ARHGAP26: variants seen among roughly 807,000 people sequenced by gnomAD.
ARHGAP26 encodes Rho GTPase activating protein 26.
A neutral mutation model predicts 104.8 loss-of-function variants in ARHGAP26; 38 were observed. The observed-to-expected ratio is 0.36, with a 90% CI of 0.28 to 0.48. ARHGAP26 has a LOEUF of 0.48. Among genes scored for constraint, ARHGAP26 ranks in the 20% least tolerant of loss-of-function variants. ARHGAP26 has a pLI of 0.99. For missense variants in ARHGAP26, 704 were observed against 947.9 expected (o/e 0.74, Z 3.38); for synonymous variants, 341 against 340.0 (o/e 1.00, Z -0.03).
At chr5:143,121,869 G>T (rs1450770053) in intron 18 of ARHGAP26, among the ~76,000 whole-genome samples, 1 of 152,150 alleles carries the variant, frequency 6.6e-6, no homozygotes, top group Non-Finnish European at 1.5e-5. Flanking sequence ...CTTGTGCAGG[G>T]TTCCCTAAAG....
At chr5:142,911,918 G>T (rs541454830) in intron 9 of ARHGAP26, among the ~76,000 whole-genome samples, 7 of 152,360 alleles carry the variant, frequency 4.6e-5, no homozygotes, top group African/African-American at 1.7e-4. Flanking sequence ...TATAAGGCCT[G>T]TGAATATAAA....
At chr5:143,179,837 C>G (rs766544916) in intron 20 of ARHGAP26, among the ~76,000 whole-genome samples, 3 of 152,106 alleles carry the variant, frequency 2.0e-5, no homozygotes, top group Non-Finnish European at 4.4e-5. Context: ...TCATGTCAGC[C>G]TGCATTTTGT....
chr5:142,925,597 A>G (rs778607684), intron 10 of ARHGAP26, among the ~76,000 whole-genome samples: 1 of 152,188 alleles, frequency 6.6e-6, no homozygotes, highest in East Asian at 1.9e-4. Flanking sequence ...TCCCAGTAGC[A>G]CTTTAGAAAC....
intron 1 of ARHGAP26, among the ~76,000 whole-genome samples, chr5:142,772,317 T>A (rs1023829486): frequency 1.3e-5 from 2 of 152,190 alleles, no homozygotes; most frequent in Non-Finnish European, 2.9e-5. Context: ...ACCTGAAACA[T>A]ATGAACAGAC....
chr5:142,820,804 C>T (rs535429852), intron 1 of ARHGAP26, among the ~76,000 whole-genome samples: 5 of 152,304 alleles, frequency 3.3e-5, no homozygotes, highest in African/African-American at 4.8e-5. Context: ...AGGCACATCA[C>T]GTATGCATTT....
At chr5:142,981,932 T>C (rs1330075850) in intron 11 of ARHGAP26, among the ~76,000 whole-genome samples, 1 of 152,246 alleles carries the variant, frequency 6.6e-6, no homozygotes, top group Non-Finnish European at 1.5e-5. Context: ...TACTCTGTAA[T>C]TTATTGACAT....
chr5:143,159,742 T>C (rs1800955634), intron 20 of ARHGAP26, among the ~76,000 whole-genome samples: 1 of 152,146 alleles, frequency 6.6e-6, no homozygotes, highest in Admixed American at 6.5e-5. Flanking sequence ...TATATAAGAA[T>C]CCAGGGATAT....
At chr5:142,984,279 G>C (rs1211982969) in intron 11 of ARHGAP26, among the ~76,000 whole-genome samples, 1 of 152,214 alleles carries the variant, frequency 6.6e-6, no homozygotes, top group East Asian at 1.9e-4. Context: ...ATATTCCTAA[G>C]AGGAGTGTGT....
intron 17 of ARHGAP26, among the ~76,000 whole-genome samples, chr5:143,079,323 A>C (rs1789480394): frequency 1.3e-5 from 2 of 152,212 alleles, no homozygotes; most frequent in African/African-American, 4.8e-5. Flanking sequence ...AGACTGCTAG[A>C]GCAGAAACCT....
chr5:143,136,863 A>G (rs1797971159), intron 19 of ARHGAP26, among the ~76,000 whole-genome samples: 1 of 152,252 alleles, frequency 6.6e-6, no homozygotes, highest in African/African-American at 2.4e-5. Context: ...ACAGGTAACG[A>G]TTATGCAAAT....
chr5:142,998,133 A>G (rs1776675770), intron 11 of ARHGAP26, among the ~76,000 whole-genome samples: 1 of 152,258 alleles, frequency 6.6e-6, no homozygotes, highest in African/African-American at 2.4e-5. Flanking sequence ...TAACTCCTGC[A>G]AATAACAAAA....
chr5:143,117,315 A>G (rs1795591512), intron 17 of ARHGAP26, among the ~76,000 whole-genome samples: 1 of 152,296 alleles, frequency 6.6e-6, no homozygotes, highest in East Asian at 1.9e-4. Context: ...TTTCCCATGC[A>G]TCTGTAAATT....
At chr5:142,948,245 TAGAGC>T (rs1186932563) in intron 11 of ARHGAP26, among the ~76,000 whole-genome samples, 1 of 152,112 alleles carries the variant, frequency 6.6e-6, no homozygotes, top group Non-Finnish European at 1.5e-5. Context: ...GAAGGCTTAT[TAGAGC>T]CCAGGGATCA....
At chr5:143,114,232 G>A (rs1795137929) in intron 17 of ARHGAP26, among the ~76,000 whole-genome samples, 2 of 152,316 alleles carry the variant, frequency 1.3e-5, no homozygotes, top group South Asian at 4.1e-4. Flanking sequence ...ACAGAACGAT[G>A]TATCTGACAC....
chr5:142,829,434 C>T (rs1008807613), intron 1 of ARHGAP26, among the ~76,000 whole-genome samples: 4 of 152,188 alleles, frequency 2.6e-5, no homozygotes, highest in Non-Finnish European at 5.9e-5. Context: ...AGTGAGATCA[C>T]CTTCTTTTCC....
intron 10 of ARHGAP26, among the ~76,000 whole-genome samples, chr5:142,920,865 A>G (rs1397781260): frequency 6.6e-6 from 1 of 152,232 alleles, no homozygotes; most frequent in East Asian, 1.9e-4. Flanking sequence ...ACTGGGGGGA[A>G]AGTAACAAAC....
intron 11 of ARHGAP26, among the ~76,000 whole-genome samples, chr5:142,944,290 C>T (rs924922155): frequency 1.3e-5 from 2 of 152,140 alleles, no homozygotes; most frequent in East Asian, 3.8e-4. Flanking sequence ...TAGTCTTTTA[C>T]ATTTAGGTTG....
chr5:143,081,018 G>A (rs143034710), intron 17 of ARHGAP26, among the ~76,000 whole-genome samples: 2 of 152,256 alleles, frequency 1.3e-5, no homozygotes, highest in Non-Finnish European at 2.9e-5. Context: ...TGTAGGGAAG[G>A]GGGATAAAGG....
chr5:143,004,085 A>C, intron 11 of ARHGAP26, among the ~76,000 whole-genome samples: 3 of 151,164 alleles, frequency 2.0e-5, no homozygotes, highest in Non-Finnish European at 2.9e-5. Context: ...AAACAACTGG[A>C]TTGGTTACAG....
Sources: gnomAD v4.1 joint callset for allele counts (sites outside exome capture counted in the v4.1 genomes callset) on GRCh38, gnomAD v4.1.1 for gene constraint, MANE v1.5 for transcripts, NCBI Gene and HGNC (gene_info 2026-07-23, HGNC 2026-07-21) for gene names.